Variants in HDAC4 observed in about 807,000 individuals in gnomAD.
HDAC4 encodes histone deacetylase 4, also known as histone deacetylase A.
In HDAC4, 16 loss-of-function variants were observed where a neutral mutation model predicts 135.1. That is an observed-to-expected ratio of 0.12 (90% CI 0.08 to 0.18). The LOEUF is 0.18. HDAC4 is among the 10% of genes least tolerant of loss of function. HDAC4 has a pLI of 1.00. For missense variants in HDAC4, 1,143 were observed against 1,511.8 expected, an observed-to-expected ratio of 0.76 and a Z score of 4.05; for synonymous variants, 685 against 653.4, an observed-to-expected ratio of 1.05 and a Z score of -0.74.
chr2:239,163,811 G>A lies in HDAC4; in HGVS notation c.603C>T (p.Tyr201=). ...CCCACACCCACACTTACCCGTACCAGTAGCGAGGGTCGCTGGAAATGCAGT... is the reference window on the plus strand; with the variant it reads ...CCCACACCCACACTTACCCGTACCAATAGCGAGGGTCGCTGGAAATGCAGT... The part of the protein sequence containing the change: ...LNHCISSDPR[Y]WYGKTQHSSL... The change falls in exon 6 of 27, where the codon TAC becomes TAT. Residue 201 remains tyrosine, a synonymous_variant. Coordinates refer to ENST00000543185, the MANE Select transcript of HDAC4 (RefSeq NM_001378414.1). 1.2e-6 allele frequency: 2 copies of A among 1,614,150 alleles called. No individual in the cohort carries two copies. The highest frequency in any genetic ancestry group is 1.7e-6 in the Non-Finnish European group (2 of 1,180,020).
intron 2 of HDAC4, among the ~76,000 whole-genome samples, chr2:239,269,975 T>C (rs1242454040): frequency 7.2e-6 from 1 of 138,312 alleles, no homozygotes; most frequent in East Asian, 2.5e-4. Context: ...GGACCTGACT[T>C]ATCTCCCCGC....
intron 2 of HDAC4, among the ~76,000 whole-genome samples, chr2:239,305,958 C>T (rs536200825): frequency 3.9e-5 from 6 of 152,276 alleles, no homozygotes; most frequent in African/African-American, 9.6e-5. Flanking sequence ...TGGTAGCCAC[C>T]GGCATTTCAG....
chr2:239,202,603 C>T lies in HDAC4; in HGVS notation c.95-12526G>A, dbSNP rs1167449819. Among the ~76,000 whole-genome samples, 3 of 152,136 alleles carry T rather than the reference C, an allele frequency of 2.0e-5. No individual in the cohort carries two copies. The East Asian group carries it at 5.8e-4, about 30-fold the overall frequency. ...CACAGGACTCTGGGAGAAGGGCTGG[C>T]ATGGGTGTGGCTGGTCTTCATCACA... is the stretch of plus-strand genomic sequence containing the variant. On this transcript the variant is annotated intron_variant, in intron 3 of 26. Transcript: ENST00000543185.
Position 239,139,299 on chromosome 2 carries a change from C to A in HDAC4, c.978+385G>T, listed in dbSNP as rs1048695369. Reference sequence around the variant, plus strand: ...TACCCACGTGCCCACGGCCTCTCAGCCACCCTCAGAGCACTGGCGACCACA... The same window carrying A: ...TACCCACGTGCCCACGGCCTCTCAGACACCCTCAGAGCACTGGCGACCACA... On this transcript the variant is annotated intron_variant, in intron 9 of 26. Transcript: ENST00000543185. This position sits in a 1 kb window ranked among gnomAD's most constrained non-coding sequence, Gnocchi z 5.3. Among the ~76,000 whole-genome samples the A allele has an allele frequency of 2.6e-5, 4 of 152,202 alleles. No homozygotes were observed. In the South Asian group the frequency reaches 6.2e-4, roughly 24 times the overall value.
At chr2:239,241,672 G>A (rs1394786859) in intron 2 of HDAC4, among the ~76,000 whole-genome samples, 2 of 152,158 alleles carry the variant, frequency 1.3e-5, no homozygotes. Flanking sequence ...TTTTTACCCT[G>A]AAACTTTGCA....
At position 239,191,521 on chromosome 2, in the gene HDAC4, A is replaced by G. The variant is rs571738295; in HGVS notation, c.95-1444T>C. The stretch of plus-strand genomic sequence containing the variant: ...CCCACACTGGCTTTGTCTCCAAACC[A>G]CTGGAGGTCCTGGTCCCAGGACTCA... On this transcript the variant is annotated intron_variant, in intron 3 of 26. Transcript: ENST00000543185. 5.3e-5 allele frequency among the ~76,000 whole-genome samples: 8 copies of G among 152,352 alleles called. No individual in the cohort carries two copies. The East Asian group carries it at 1.5e-3, about 29-fold the overall frequency.
intron 2 of HDAC4, among the ~76,000 whole-genome samples, chr2:239,287,268 T>G (rs1039068881): frequency 6.6e-6 from 1 of 152,228 alleles, no homozygotes; most frequent in Non-Finnish European, 1.5e-5. Flanking sequence ...TGAGGCTCCT[T>G]CGGCTGCGAC....
At position 239,189,941 on chromosome 2, in the gene HDAC4, C is replaced by T. The variant is rs373165828; in HGVS notation, c.231G>A (p.Ala77=). 68 of 1,610,020 alleles carry T rather than the reference C, an allele frequency of 4.2e-5. No homozygotes were observed. The Admixed American group carries it at 6.0e-4, about 14-fold the overall frequency. The change falls in exon 4 of 27, where the codon GCG becomes GCA. Residue 77 remains alanine (A), a synonymous_variant. Coordinates refer to ENST00000543185, the MANE Select transcript of HDAC4 (RefSeq NM_001378414.1). The part of the protein sequence containing the change: ...REQQLQQELL[A]LKQKQQIQRQ... Reference sequence around the variant, plus strand: ...TCTGGATCTGCTGCTTCTGCTTGAGCGCCAGGAGCTCCTGCTGCAGCTGCT... The same window carrying T: ...TCTGGATCTGCTGCTTCTGCTTGAGTGCCAGGAGCTCCTGCTGCAGCTGCT...
intron 3 of HDAC4, chr2:239,191,005 GC>G: frequency 2.2e-6 from 1 of 464,702 alleles, no homozygotes. Context: ...TCCTGGCACA[GC>G]CCAGGGACAT....
chr2:239,214,225 C>T (rs780350519), intron 3 of HDAC4, among the ~76,000 whole-genome samples: 1 of 152,184 alleles, frequency 6.6e-6, no homozygotes, highest in Non-Finnish European at 1.5e-5. Context: ...CTCTAGCTTC[C>T]GGAGGCTGCC....
chr2:239,276,127 A>C (rs1276226106), intron 2 of HDAC4, among the ~76,000 whole-genome samples: 2 of 152,188 alleles, frequency 1.3e-5, no homozygotes, highest in Non-Finnish European at 2.9e-5. Flanking sequence ...GACTCACGGC[A>C]GACACCGACC....
At chr2:239,393,384 C>A (rs1458483230) in intron 1 of HDAC4, among the ~76,000 whole-genome samples, 2 of 152,188 alleles carry the variant, frequency 1.3e-5, no homozygotes, top group Non-Finnish European at 2.9e-5. Flanking sequence ...CCATTAAATG[C>A]AAGAAGACTA....
chr2:239,055,582 C>T (rs544900388), intron 24 of HDAC4, among the ~76,000 whole-genome samples: 10 of 152,008 alleles, frequency 6.6e-5, no homozygotes, highest in Middle Eastern at 6.8e-3. Flanking sequence ...CCAGGTATGG[C>T]GGTGGGCACC....
chr2:239,249,695 C>G (rs1402965648), intron 2 of HDAC4, among the ~76,000 whole-genome samples: 1 of 151,984 alleles, frequency 6.6e-6, no homozygotes, highest in Non-Finnish European at 1.5e-5. Context: ...TACCCGAAAT[C>G]TCACTATCCA....
At chr2:239,338,204 C>T (rs1171339327) in intron 2 of HDAC4, among the ~76,000 whole-genome samples, 2 of 152,148 alleles carry the variant, frequency 1.3e-5, no homozygotes, top group East Asian at 1.9e-4. Context: ...CCAAAATGCA[C>T]GGTTTCTAGA....
chr2:239,141,067 ACCC>A lies in HDAC4; in HGVS notation c.866-1274_866-1272del. On this transcript the variant is annotated intron_variant, in intron 8 of 26. Transcript: ENST00000543185. This position sits in a 1 kb window ranked among gnomAD's most constrained non-coding sequence, Gnocchi z 4.9. ...ACTGTTTGAGGAAGGTGCCATTATG[ACCC>A]CGTTTCCCAGAAGAGGAGATGGAGG... 1 of 277,100 alleles carries A rather than the reference ACCC, an allele frequency of 3.6e-6. No individual in the cohort carries two copies. Among genetic ancestry groups the A allele is most frequent in the South Asian group, 3.1e-5 (1 of 32,658 alleles). 17.2% of individuals were successfully genotyped at this position (277,100 alleles called of 1,614,324 possible). A position where few individuals can be genotyped will look rare whatever the true frequency, so the allele number is the denominator to read the frequency against.
At chr2:239,396,163 T>G in intron 1 of HDAC4, among the ~76,000 whole-genome samples, 1 of 150,376 alleles carries the variant, frequency 6.6e-6, no homozygotes, top group Non-Finnish European at 1.5e-5. Flanking sequence ...TTTGTAGAGA[T>G]GAGGGTCTCA....
chr2:239,229,579 G>A (rs74896948), intron 3 of HDAC4, among the ~76,000 whole-genome samples: 2,092 of 152,302 alleles, frequency 0.014, 42 homozygotes, highest in East Asian at 0.073. Flanking sequence ...AGGTTGTCAC[G>A]TTACAGGTTG....
chr2:239,264,923 G>A (rs1377506442), intron 2 of HDAC4, among the ~76,000 whole-genome samples: 1 of 152,176 alleles, frequency 6.6e-6, no homozygotes, highest in Non-Finnish European at 1.5e-5. Context: ...TTTTCCATGA[G>A]CTGGAAGCTG....
Sources: allele counts gnomAD v4.1 joint callset (sites outside exome capture counted in the v4.1 genomes callset), GRCh38; gene constraint gnomAD v4.1.1; non-coding constraint Gnocchi (gnomAD v3.1); transcripts MANE v1.5; gene names NCBI Gene and HGNC (gene_info 2026-07-23, HGNC 2026-07-21).